STXBP5L: variants seen among roughly 807,000 people sequenced by gnomAD.
The protein encoded by STXBP5L is syntaxin-binding protein 5-like.
STXBP5L carries 65 observed loss-of-function variants against 144.5 expected under a neutral mutation model. The ratio of observed to expected loss-of-function variants is 0.45; its 90% confidence interval spans 0.37 to 0.55. The LOEUF (loss-of-function observed/expected upper bound fraction) is 0.55. Among genes scored for constraint, STXBP5L ranks in the 20% least tolerant of loss-of-function variants. STXBP5L has a pLI of 0.00. For synonymous variants in STXBP5L, 505 were observed against 469.6 expected (o/e 1.08, Z -0.97); for missense variants, 1,298 against 1,405.5 (o/e 0.92, Z 1.22).
intron 10 of STXBP5L, 38 bp from the exon 11 acceptor site, chr3:121,222,965 A>G (rs761587241): frequency 6.4e-7 from 1 of 1,560,566 alleles, no homozygotes; most frequent in South Asian, 1.2e-5. Context: ...GTCATTTTAA[A>G]GGACTTCTGA....
chr3:121,160,494 G>C (rs900102705), intron 9 of STXBP5L, among the ~76,000 whole-genome samples: 1 of 152,120 alleles, frequency 6.6e-6, no homozygotes, highest in Non-Finnish European at 1.5e-5. Context: ...TTGCATATAA[G>C]TAATCTAGAG....
chr3:120,978,127 T>A (rs2107846104), intron 3 of STXBP5L, among the ~76,000 whole-genome samples: 1 of 152,360 alleles, frequency 6.6e-6, no homozygotes, highest in South Asian at 2.1e-4. Context: ...CTGGATAATA[T>A]CCTGCAGAGT....
chr3:121,160,451 G>A (rs1157616941), intron 9 of STXBP5L, among the ~76,000 whole-genome samples: 2 of 152,080 alleles, frequency 1.3e-5, no homozygotes, highest in Non-Finnish European at 2.9e-5. Flanking sequence ...AAACAATACA[G>A]TATCACAACT....
intron 22 of STXBP5L, among the ~76,000 whole-genome samples, chr3:121,384,575 A>T (rs1234063870): frequency 6.6e-6 from 1 of 152,120 alleles, no homozygotes; most frequent in Non-Finnish European, 1.5e-5. Context: ...GACATGGCAT[A>T]GCTGGAGACT....
chr3:121,099,900 G>T (rs940754195), intron 5 of STXBP5L: 2 of 152,168 alleles, frequency 1.3e-5, no homozygotes, highest in African/African-American at 4.8e-5. Flanking sequence ...AAAGGAAAGG[G>T]TTGGAGAAAT....
At chr3:121,190,724 CT>C (rs1312316728) in intron 9 of STXBP5L, among the ~76,000 whole-genome samples, 3 of 151,958 alleles carry the variant, frequency 2.0e-5, no homozygotes, top group Non-Finnish European at 4.4e-5. Context: ...CGGGCGGGGG[CT>C]GCCCCCCACC....
At position 121,406,905 on chromosome 3, in the gene STXBP5L, G is replaced by A. The variant is rs935540840; in HGVS notation, c.2588-338G>A. On this transcript the variant is annotated intron_variant, in intron 22 of 26. Coordinates refer to ENST00000471454, the MANE Select transcript of STXBP5L (RefSeq NM_001308330.2). Reference sequence around the variant, plus strand: ...GACTATATAGTATAATGAAAGAATCGTGGGGTAGGAATCAGAAAAATCTGA... The same window carrying A: ...GACTATATAGTATAATGAAAGAATCATGGGGTAGGAATCAGAAAAATCTGA... 1.1e-3 allele frequency among the ~76,000 whole-genome samples: 165 copies of A among 151,794 alleles called. 2 individuals carry two copies. Among genetic ancestry groups the A allele is most frequent in the Middle Eastern group, 3.2e-3 (1 of 316 alleles).
chr3:121,276,546 T>C (rs561773864), intron 18 of STXBP5L, among the ~76,000 whole-genome samples: 2 of 152,008 alleles, frequency 1.3e-5, no homozygotes, highest in Non-Finnish European at 2.9e-5. Context: ...ATGTGAGTGA[T>C]GAATTCCTTC....
At position 121,365,092 on chromosome 3, in the gene STXBP5L, A is replaced by G. The variant is rs146653480; in HGVS notation, c.2177-13624A>G. On this transcript the variant is annotated intron_variant, in intron 20 of 26. Transcript: ENST00000471454. ...AATTTTCACATGTTAAATCATCCTT[A>G]TATTCCAGAAATATATTCCACTTGG... 4.8e-3 allele frequency among the ~76,000 whole-genome samples: 732 copies of G among 152,014 alleles called. 9 individuals are homozygous for G. Among genetic ancestry groups the G allele is most frequent in the African/African-American group, 0.016 (676 of 41,538 alleles).
chr3:121,186,937 G>C (rs1205734754), intron 9 of STXBP5L, among the ~76,000 whole-genome samples: 2 of 152,134 alleles, frequency 1.3e-5, no homozygotes, highest in Non-Finnish European at 2.9e-5. Flanking sequence ...AGGATGTGGA[G>C]AAATAGGAAC....
chr3:121,306,636 G>A (rs2043346462), intron 19 of STXBP5L, among the ~76,000 whole-genome samples: 1 of 152,104 alleles, frequency 6.6e-6, no homozygotes, highest in African/African-American at 2.4e-5. Flanking sequence ...TCAAGCCTAA[G>A]TGTGCTCTCA....
At chr3:121,389,748 A>T (rs2108702425) in intron 22 of STXBP5L, among the ~76,000 whole-genome samples, 1 of 152,302 alleles carries the variant, frequency 6.6e-6, no homozygotes, top group South Asian at 2.1e-4. Context: ...GTGGTCTGAG[A>T]GACAGTTTGT....
chr3:121,418,508 C>T lies in STXBP5L; in HGVS notation c.3398C>T (p.Thr1133Ile), dbSNP rs1396439855. Residue 1133 changes from threonine (T) to isoleucine (I), a missense_variant, in exon 26 of 27, where the codon ACT becomes ATT. By Grantham distance (89) the Thr-to-Ile change is moderately conservative (BLOSUM62 -1). Transcript: ENST00000471454. ...GQRLGELEEKTAGMMTSAEAF... is the reference protein window; with the variant it reads ...GQRLGELEEKIAGMMTSAEAF... ...AGGCTAGGAGAGCTGGAAGAGAAAA[C>T]TGCAGGCATGATGACCAGTGCAGAA... 6.2e-6 allele frequency: 10 copies of T among 1,613,956 alleles called. No individual in the cohort carries two copies. The South Asian group carries it at 1.1e-4, about 18-fold the overall frequency.
At chr3:121,253,754 T>C (rs1349663398) in intron 15 of STXBP5L, among the ~76,000 whole-genome samples, 1 of 149,560 alleles carries the variant, frequency 6.7e-6, no homozygotes, top group Admixed American at 6.7e-5. Flanking sequence ...TCAGCCCCAG[T>C]AGAGTAGCTG....
intron 23 of STXBP5L, among the ~76,000 whole-genome samples, chr3:121,411,837 T>C (rs1371912644): frequency 6.6e-6 from 1 of 152,114 alleles, no homozygotes; most frequent in Non-Finnish European, 1.5e-5. Context: ...AACACATCTC[T>C]GTCAGTTTTG....
chr3:120,936,613 T>C (rs566128941), intron 2 of STXBP5L, among the ~76,000 whole-genome samples: 49 of 152,100 alleles, frequency 3.2e-4, no homozygotes, highest in African/African-American at 1.2e-3. Context: ...GTCTGATACA[T>C]GCAGGTTTTT....
In STXBP5L at chr3:121,092,251, C is replaced by T. The variant is rs1051001532; in HGVS notation, c.471-22674C>T. 1.6e-4 allele frequency among the ~76,000 whole-genome samples: 25 copies of T among 151,732 alleles called. 1 individual carries two copies. Among genetic ancestry groups the T allele is most frequent in the African/African-American group, 5.3e-4 (22 of 41,242 alleles). The stretch of plus-strand genomic sequence containing the variant: ...TTGGCTTAGGACTGACTTGGCAATG[C>T]GGGCTCTTTCTTGGTTCCATATGAA... On this transcript the variant is annotated intron_variant, in intron 5 of 26. Coordinates refer to ENST00000471454, the MANE Select transcript of STXBP5L (RefSeq NM_001308330.2).
intron 7 of STXBP5L, among the ~76,000 whole-genome samples, chr3:121,131,130 A>G (rs2044970250): frequency 6.6e-6 from 1 of 152,120 alleles, no homozygotes; most frequent in African/African-American, 2.4e-5. Flanking sequence ...AAATATGCAA[A>G]CCAACATCCA....
chr3:120,951,788 A>G (rs1294787760), intron 2 of STXBP5L, among the ~76,000 whole-genome samples: 1 of 152,158 alleles, frequency 6.6e-6, no homozygotes, highest in African/African-American at 2.4e-5. Flanking sequence ...CATTTGACCC[A>G]GCCATCCCAT....
Sources: allele counts gnomAD v4.1 joint callset (sites outside exome capture counted in the v4.1 genomes callset), GRCh38; gene constraint gnomAD v4.1.1; transcripts MANE v1.5; gene names NCBI Gene and HGNC (gene_info 2026-07-23, HGNC 2026-07-21).